GLG1: variants seen among roughly 807,000 people sequenced by gnomAD.
GLG1 encodes Golgi apparatus protein 1.
A neutral mutation model predicts 160.5 loss-of-function variants in GLG1; 38 were observed. The observed-to-expected ratio is 0.24, with a 90% confidence interval of 0.18 to 0.31. GLG1 has a LOEUF of 0.31. Ranked by LOEUF, GLG1 falls within the 10% of genes least tolerant of loss-of-function variation. The pLI, the probability that GLG1 is intolerant of heterozygous loss-of-function variation, is 1.00. For synonymous variants in GLG1, 644 were observed against 543.4 expected (o/e 1.19, Z -2.57); for missense variants, 1,373 against 1,505.2 (o/e 0.91, Z 1.45).
Position 74,467,831 on chromosome 16 carries a change from C to T in GLG1, c.2454G>A (p.Leu818=), listed in dbSNP as rs1182737974. ...EELEMTEDIR[L]EPDLYEACKS... ...TGCAGGCTTCGTATAGATCTGGCTC[C>T]AAGCGGATGTCCTCCGTCTGCATGA... Residue 818 remains leucine, a synonymous_variant, in exon 18 of 26, where the codon TTG becomes TTA. Transcript: ENST00000422840. 5.0e-6 allele frequency: 8 copies of T among 1,612,398 alleles called. No individual in the cohort carries two copies. Among genetic ancestry groups the T allele is most frequent in the Non-Finnish European group, 6.8e-6 (8 of 1,178,804 alleles).
At chr16:74,549,554 A>G (rs1170373982) in intron 1 of GLG1, among the ~76,000 whole-genome samples, 1 of 152,148 alleles carries the variant, frequency 6.6e-6, no homozygotes, top group African/African-American at 2.4e-5. Context: ...CCAAGGTGCC[A>G]AGATTACAGG....
intron 6 of GLG1, among the ~76,000 whole-genome samples, chr16:74,494,292 C>T (rs1418598878): frequency 6.6e-6 from 1 of 151,816 alleles, no homozygotes; most frequent in African/African-American, 2.4e-5. Flanking sequence ...TGGTTTCAGC[C>T]AAATATGCTT....
chr16:74,566,627 TCC>T (rs397744453), intron 1 of GLG1, among the ~76,000 whole-genome samples: 1 of 151,852 alleles, frequency 6.6e-6, no homozygotes, highest in African/African-American at 2.4e-5. Context: ...TCTCTTTTTT[TCC>T]CCTCCATGCC....
intron 1 of GLG1, among the ~76,000 whole-genome samples, chr16:74,600,440 TAAGAA>T (rs1814512549): frequency 1.3e-5 from 2 of 151,878 alleles, no homozygotes; most frequent in Admixed American, 1.3e-4. Context: ...AGTCCTTGCT[TAAGAA>T]AAGAGGCCGG....
At chr16:74,458,620 G>C (rs2014657279) in intron 23 of GLG1, among the ~76,000 whole-genome samples, 1 of 152,148 alleles carries the variant, frequency 6.6e-6, no homozygotes, top group South Asian at 2.1e-4. Context: ...GGTCCAGTGA[G>C]CTATGACTGC....
chr16:74,540,381 A>G (rs1231366308), intron 1 of GLG1, among the ~76,000 whole-genome samples: 3 of 151,252 alleles, frequency 2.0e-5, no homozygotes. Context: ...TTCTTTCCTT[A>G]TATTTCCCAT....
At chr16:74,531,154 G>A (rs577484880) in intron 2 of GLG1, among the ~76,000 whole-genome samples, 1 of 152,010 alleles carries the variant, frequency 6.6e-6, no homozygotes, top group Admixed American at 6.5e-5. Flanking sequence ...GTTTTATTTT[G>A]TACTTGACTT....
intron 5 of GLG1, among the ~76,000 whole-genome samples, chr16:74,495,106 CTTTTTTTTTTTT>C (rs5817913): frequency 1.2e-5 from 1 of 83,240 alleles, no homozygotes; most frequent in Non-Finnish European, 2.4e-5. Flanking sequence ...GAGTCTGAGT[CTTTTTTTTTTTT>C]TTTTTTTTTG....
chr16:74,547,703 A>G (rs1320493806), intron 1 of GLG1, among the ~76,000 whole-genome samples: 2 of 152,270 alleles, frequency 1.3e-5, no homozygotes, highest in Non-Finnish European at 2.9e-5. Context: ...TTTCTCCCAT[A>G]AAAATTAGAG....
chr16:74,508,095 G>A (rs2016678581), intron 3 of GLG1, among the ~76,000 whole-genome samples: 1 of 152,066 alleles, frequency 6.6e-6, no homozygotes, highest in Admixed American at 6.6e-5. Context: ...AAGGAACACA[G>A]GCTGATGGTT....
intron 17 of GLG1, 25 bp downstream of exon 17, chr16:74,468,921 G>C (rs1321351601): frequency 1.5e-5 from 21 of 1,415,472 alleles, no homozygotes; most frequent in Non-Finnish European, 2.0e-5. Context: ...TGTGGTTTCT[G>C]GGAGCAGAGG....
At chr16:74,485,210 G>C (rs1166373340) in intron 9 of GLG1, among the ~76,000 whole-genome samples, 1 of 152,202 alleles carries the variant, frequency 6.6e-6, no homozygotes, top group Non-Finnish European at 1.5e-5. Flanking sequence ...TCCGGCCATG[G>C]TTTAAGAGCT....
At chr16:74,565,226 G>C (rs957118282) in intron 1 of GLG1, among the ~76,000 whole-genome samples, 19 of 152,190 alleles carry the variant, frequency 1.2e-4, no homozygotes, top group Middle Eastern at 3.4e-3. Flanking sequence ...GTACTTGGGA[G>C]GCTGAGACAT....
chr16:74,580,929 C>T lies in GLG1; in HGVS notation c.438+25728G>A, dbSNP rs1597368966. Among the ~76,000 whole-genome samples, 3 of 152,230 alleles carry T rather than the reference C, an allele frequency of 2.0e-5. No individual in the cohort carries two copies. The South Asian group carries it at 6.2e-4, about 32-fold the overall frequency. The stretch of plus-strand genomic sequence containing the variant: ...CTACTAAAAATACAAAAAATTAGTG[C>T]ACCGTTGCACTCCAGCCTGGGCAAC... On this transcript the variant is annotated intron_variant, in intron 1 of 25. Transcript: ENST00000422840.
Position 74,537,619 on chromosome 16 carries a change from G to T in GLG1, c.439-5466C>A, listed in dbSNP as rs529813811. Among the ~76,000 whole-genome samples the T allele has an allele frequency of 3.7e-4, 53 of 144,150 alleles. No homozygotes were observed. In the South Asian group the frequency reaches 0.011, roughly 29 times the overall value. The allele number at this position is 144,150 out of a possible 152,430, so 94.6% of individuals were successfully genotyped here. A position where few individuals can be genotyped will look rare whatever the true frequency, so the allele number is the denominator to read the frequency against. On this transcript the variant is annotated intron_variant, in intron 1 of 25. Transcript: ENST00000422840. Reference sequence around the variant, plus strand: ...ACAACAGCTATCACCATCTCAAAAAGATCCACGAGACAAGAAAAAATTAAG... The same window carrying T: ...ACAACAGCTATCACCATCTCAAAAATATCCACGAGACAAGAAAAAATTAAG...
intron 1 of GLG1, among the ~76,000 whole-genome samples, chr16:74,532,953 T>C (rs576898252): frequency 6.6e-6 from 1 of 151,990 alleles, no homozygotes; most frequent in Admixed American, 6.6e-5. Flanking sequence ...AAAAGTTTTT[T>C]AAAAAAAACA....
At position 74,469,402 on chromosome 16, in the gene GLG1, C is replaced by T. The variant is rs1324461183; in HGVS notation, c.2319-339G>A. The T allele has an allele frequency of 1.6e-5, 4 of 257,712 alleles. No homozygotes were observed. In the East Asian group the frequency reaches 3.0e-4, roughly 19 times the overall value. 16.0% of individuals were successfully genotyped at this position (257,712 alleles called of 1,614,324 possible). ...ACTCTAGGACTGTACTTTTGACCTA[C>T]TGTGAAACTCACTCCTGAAAGGTAG... On this transcript the variant is annotated intron_variant, in intron 16 of 25. Transcript: ENST00000422840.
intron 1 of GLG1, among the ~76,000 whole-genome samples, chr16:74,560,914 G>C (rs935356033): frequency 1.3e-5 from 2 of 152,190 alleles, no homozygotes; most frequent in Non-Finnish European, 2.9e-5. Flanking sequence ...ATATGTTTTT[G>C]TAAGGAAAGC....
At chr16:74,513,378 C>T (rs951692569) in intron 2 of GLG1, among the ~76,000 whole-genome samples, 1 of 152,046 alleles carries the variant, frequency 6.6e-6, no homozygotes, top group African/African-American at 2.4e-5. Context: ...TGGGAGACAC[C>T]TCCCAGTAGG....
Sources: gnomAD v4.1 joint callset for allele counts (sites outside exome capture counted in the v4.1 genomes callset) on GRCh38, gnomAD v4.1.1 for gene constraint, MANE v1.5 for transcripts, NCBI Gene and HGNC (gene_info 2026-07-23, HGNC 2026-07-21) for gene names.